RFX8: variants seen among roughly 807,000 people sequenced by gnomAD.
The protein encoded by RFX8 is DNA-binding protein RFX8.
Under a neutral mutation model 54.6 loss-of-function variants are expected in RFX8, and 46 were observed. The observed-to-expected ratio is 0.84, with a 90% CI of 0.67 to 1.08. The LOEUF (loss-of-function observed/expected upper bound fraction) is 1.08. Among genes scored for constraint, RFX8 ranks in the 50% least tolerant of loss-of-function variants. The pLI is 0.00. For missense variants in RFX8, 536 were observed against 562.3 expected, an observed-to-expected ratio of 0.95 and a Z score of 0.47; for synonymous variants, 192 against 209.5, an observed-to-expected ratio of 0.92 and a Z score of 0.72.
chr2:101,415,541 A>G (rs1002916108), intron 6 of RFX8, among the ~76,000 whole-genome samples: 35 of 152,330 alleles, frequency 2.3e-4, no homozygotes, highest in African/African-American at 8.4e-4. Context: ...CTCATCCTAC[A>G]CTGCTTTCCT....
In RFX8 at chr2:101,406,022, G is replaced by C; in HGVS notation, c.849C>G (p.Ala283=). ...SRSKEEFTKL[A]ASFQLRWNLL... ...GATTCCATCTCAGCTGGAAGCTGGC[G>C]GCCAATTTGGTAAACTCTTCTTTGC... The change falls in exon 10 of 12, where the codon GCC becomes GCG. Residue 283 remains alanine, a synonymous_variant. Coordinates refer to ENST00000428343, the MANE Select transcript of RFX8 (RefSeq NM_001145664.2). 1 of 1,547,688 alleles carries C rather than the reference G, an allele frequency of 6.5e-7. No homozygotes were observed. The highest frequency in any genetic ancestry group is 8.7e-7 in the Non-Finnish European group (1 of 1,145,268).
chr2:101,473,667 A>G (rs1387367383), intron 1 of RFX8, among the ~76,000 whole-genome samples: 3 of 152,238 alleles, frequency 2.0e-5, no homozygotes, highest in Non-Finnish European at 4.4e-5. Context: ...CTATTTAAGA[A>G]GATCTGCAAC....
chr2:101,410,556 T>C lies in RFX8; in HGVS notation c.813+63A>G, dbSNP rs1249343030. 1.6e-5 allele frequency: 13 copies of C among 823,164 alleles called. No individual in the cohort carries two copies. In the East Asian group the frequency reaches 3.0e-4, roughly 19 times the overall value. The allele number at this position is 823,164 out of a possible 1,614,324, so 51.0% of individuals were successfully genotyped here. ...AGCCTCTTTCCCATCCCTTAGGCAA[T>C]GGGCACTCATTTATCTAGAATGGTC... On this transcript the variant is annotated intron_variant, in intron 9 of 11. Transcript: ENST00000428343.
intron 2 of RFX8, among the ~76,000 whole-genome samples, chr2:101,427,397 C>T (rs548513352): frequency 5.3e-5 from 8 of 152,240 alleles, no homozygotes; most frequent in East Asian, 1.9e-4. Flanking sequence ...GAGAAGGATC[C>T]GGCCTGCCTT....
chr2:101,401,414 C>T (rs1039874906), intron 11 of RFX8, among the ~76,000 whole-genome samples: 1 of 152,126 alleles, frequency 6.6e-6, no homozygotes, highest in Non-Finnish European at 1.5e-5. Flanking sequence ...TGTTATTCTG[C>T]GGACTCTAAG....
chr2:101,457,969 T>G (rs1158419203), intron 2 of RFX8, among the ~76,000 whole-genome samples: 3 of 152,248 alleles, frequency 2.0e-5, no homozygotes, highest in Admixed American at 1.3e-4. Context: ...TGTAATGGCC[T>G]TCTTTGTCTC....
At chr2:101,410,391 TCACACACACA>T (rs5832965) in intron 9 of RFX8, among the ~76,000 whole-genome samples, 1 of 119,618 alleles carries the variant, frequency 8.4e-6, no homozygotes, top group South Asian at 2.7e-4. Context: ...ATGCCCACAC[TCACACACACA>T]CACACACACA....
intron 4 of RFX8, chr2:101,421,175 G>A: frequency 1.2e-6 from 1 of 864,566 alleles, no homozygotes; most frequent in Non-Finnish European, 1.4e-6. Flanking sequence ...TAAAGCATCA[G>A]GAAAAAAATC....
At chr2:101,417,866 G>T (rs1686625960) in intron 5 of RFX8, among the ~76,000 whole-genome samples, 182 bp from the exon 6 acceptor site, 1 of 152,096 alleles carries the variant, frequency 6.6e-6, no homozygotes, top group Admixed American at 6.5e-5. Context: ...GGCTGGTGCA[G>T]CCACAGTTGG....
chr2:101,465,927 G>A (rs1689550487), intron 2 of RFX8, among the ~76,000 whole-genome samples: 1 of 152,216 alleles, frequency 6.6e-6, no homozygotes, highest in Non-Finnish European at 1.5e-5. Flanking sequence ...GGGAGGCAAA[G>A]GGAAGACAGG....
At chr2:101,436,515 C>A (rs953662721) in intron 2 of RFX8, among the ~76,000 whole-genome samples, 3 of 152,132 alleles carry the variant, frequency 2.0e-5, no homozygotes, top group African/African-American at 7.2e-5. Context: ...TCACCCCCAA[C>A]CAAAATGAAA....
chr2:101,418,807 A>G lies in RFX8; in HGVS notation c.351+44T>C, dbSNP rs572964034. On this transcript the variant is annotated intron_variant, in intron 5 of 11. Coordinates refer to ENST00000428343, the MANE Select transcript of RFX8 (RefSeq NM_001145664.2). The stretch of plus-strand genomic sequence containing the variant: ...GGTCCAAACCCAGCATTTGCTGCCA[A>G]TTTCTGCAAAGGATATACTCTAGAG... 2.9e-4 allele frequency: 377 copies of G among 1,288,658 alleles called. No individual in the cohort carries two copies. The Admixed American group carries it at 3.8e-3, about 13-fold the overall frequency. The allele number at this position is 1,288,658 out of a possible 1,614,324, so 79.8% of individuals were successfully genotyped here. A position where few individuals can be genotyped will look rare whatever the true frequency, so the allele number is the denominator to read the frequency against.
intron 2 of RFX8, among the ~76,000 whole-genome samples, chr2:101,459,972 C>T (rs988076525): frequency 1.3e-5 from 2 of 152,138 alleles, no homozygotes; most frequent in Admixed American, 1.3e-4. Flanking sequence ...CCCACCTGGC[C>T]GCATCCTCGC....
chr2:101,473,009 ACT>A (rs1309902764), intron 1 of RFX8, among the ~76,000 whole-genome samples: 2 of 151,756 alleles, frequency 1.3e-5, no homozygotes, highest in African/African-American at 4.8e-5. Context: ...ACAGAGCAAG[ACT>A]CTGTCACAAA....
chr2:101,418,112 G>A (rs545016392), intron 5 of RFX8, among the ~76,000 whole-genome samples: 8 of 151,876 alleles, frequency 5.3e-5, no homozygotes, highest in South Asian at 2.1e-4. Flanking sequence ...GGCTGGTCTC[G>A]AACTCCTGAC....
chr2:101,447,933 G>A (rs1419137688), intron 2 of RFX8, among the ~76,000 whole-genome samples: 1 of 152,156 alleles, frequency 6.6e-6, no homozygotes, highest in African/African-American at 2.4e-5. Context: ...CTTCTAAGAT[G>A]GTACCTTGTT....
chr2:101,450,645 G>A, intron 2 of RFX8: 3 of 1,514,642 alleles, frequency 2.0e-6, no homozygotes, highest in Non-Finnish European at 2.7e-6. Flanking sequence ...ATAGAAGAAA[G>A]AGCTTTTCTT....
chr2:101,461,609 T>C (rs888945282), intron 2 of RFX8, among the ~76,000 whole-genome samples: 1 of 152,136 alleles, frequency 6.6e-6, no homozygotes, highest in Non-Finnish European at 1.5e-5. Context: ...CTCTGTACAT[T>C]TGATAATACT....
chr2:101,455,838 C>T (rs1367140955), intron 2 of RFX8, among the ~76,000 whole-genome samples: 9 of 152,172 alleles, frequency 5.9e-5, no homozygotes, highest in Non-Finnish European at 1.3e-4. Flanking sequence ...TTGATTCTTC[C>T]TATCTATGAG....
Sources: gnomAD v4.1 joint callset for allele counts (sites outside exome capture counted in the v4.1 genomes callset) on GRCh38, gnomAD v4.1.1 for gene constraint, MANE v1.5 for transcripts, NCBI Gene and HGNC (gene_info 2026-07-23, HGNC 2026-07-21) for gene names.